RNF20: variants seen among roughly 807,000 people sequenced by gnomAD.
RNF20 encodes the protein E3 ubiquitin-protein ligase BRE1A.
Under a neutral mutation model 126.2 loss-of-function variants are expected in RNF20, and 84 were observed. The ratio of observed to expected loss-of-function variants is 0.67; its 90% confidence interval spans 0.56 to 0.80. RNF20 has a LOEUF of 0.80. Among genes scored for constraint, RNF20 ranks in the 30% least tolerant of loss-of-function variants. The pLI, the probability that RNF20 is intolerant of heterozygous loss-of-function variation, is 0.00. For missense variants in RNF20, 869 were observed against 1,188.2 expected (o/e 0.73, Z 3.95); for synonymous variants, 400 against 414.3 (o/e 0.97, Z 0.42).
In RNF20 at chr9:101,560,847, A is replaced by G. The variant is rs759488715; in HGVS notation, c.2429A>G (p.His810Arg). 9.9e-6 allele frequency: 16 copies of G among 1,613,438 alleles called. No homozygotes were observed. Among genetic ancestry groups the G allele is most frequent in the Non-Finnish European group, 1.4e-5 (16 of 1,179,580 alleles). ...QVVRKLEEKE[H>R]LLQSNIGTGE... ...GTAAGGAAACTGGAAGAGAAGGAGC[A>G]TCTGTTACAGAGCAACATTGGCACA... is the stretch of plus-strand genomic sequence containing the variant. The change falls in exon 17 of 20, where the codon CAT (histidine) becomes CGT (arginine). Residue 810 changes from histidine (H) to arginine (R), a missense_variant. Around this residue, in one of 8 missense-constraint regions of RNF20, gnomAD observed 150 missense variants for 173.7 expected, o/e 0.86. Transcript: ENST00000389120.
chr9:101,559,879 T>C (rs1413423839), intron 16 of RNF20, among the ~76,000 whole-genome samples: 1 of 152,212 alleles, frequency 6.6e-6, no homozygotes, highest in African/African-American at 2.4e-5. Context: ...ATTACCAATT[T>C]GGATGCCTTT....
chr9:101,554,611 CCTT>C, intron 14 of RNF20, 80 bp from the exon 15 acceptor site: 2 of 1,179,096 alleles, frequency 1.7e-6, no homozygotes, highest in Middle Eastern at 2.7e-4. Flanking sequence ...GTATTATGAA[CCTT>C]CTATCTTTGC....
chr9:101,546,162 A>G (rs1827344625), intron 6 of RNF20, among the ~76,000 whole-genome samples: 1 of 152,160 alleles, frequency 6.6e-6, no homozygotes, highest in South Asian at 2.1e-4. Flanking sequence ...AGGACTTTCA[A>G]AGGATTTTTG....
intron 2 of RNF20, among the ~76,000 whole-genome samples, chr9:101,535,989 C>G (rs538221471): frequency 6.6e-6 from 1 of 152,290 alleles, no homozygotes; most frequent in African/African-American, 2.4e-5. Flanking sequence ...CTTGTGTTAT[C>G]CTTCCTTTGC....
At chr9:101,557,653 TG>T in intron 16 of RNF20, 57 bp downstream of exon 16, 1 of 1,293,028 alleles carries the variant, frequency 7.7e-7, no homozygotes, top group Admixed American at 2.0e-5. Flanking sequence ...TTCTACATGA[TG>T]ATATAAGTAA....
intron 18 of RNF20, 101 bp downstream of exon 18, chr9:101,561,331 T>C: frequency 7.9e-7 from 1 of 1,261,784 alleles, no homozygotes; most frequent in Non-Finnish European, 1.1e-6. Flanking sequence ...TGTCATTTCC[T>C]ACTAGACTTG....
At chr9:101,554,624 C>T in intron 14 of RNF20, 70 bp from the exon 15 acceptor site, 2 of 1,332,108 alleles carry the variant, frequency 1.5e-6, no homozygotes, top group Non-Finnish European at 2.1e-6. Flanking sequence ...TCTATCTTTG[C>T]ACAGTATTAA....
chr9:101,554,740 A>G lies in RNF20; in HGVS notation c.2066A>G (p.Lys689Arg). ...CTCAAGGATCTGGAAGATAAAGAGA[A>G]GAAAGAGAACAAGAAAATGGCTGAT... is the stretch of plus-strand genomic sequence containing the variant. ...QRLKDLEDKE[K>R]KENKKMADED... The change falls in exon 15 of 20, where the codon AAG becomes AGG. Residue 689 changes from lysine to arginine, a missense_variant. Physicochemically the swap from Lys to Arg is conservative, Grantham distance 26 (BLOSUM62 2). Around this residue, in one of 8 missense-constraint regions of RNF20, gnomAD observed 231 missense variants for 263.6 expected, o/e 0.88. Coordinates refer to ENST00000389120, the MANE Select transcript of RNF20 (RefSeq NM_019592.7). 6.2e-7 allele frequency: 1 copy of G among 1,609,966 alleles called. No individual in the cohort carries two copies. The highest frequency in any genetic ancestry group is 1.7e-5 in the Admixed American group (1 of 59,812).
Position 101,553,935 on chromosome 9 carries a change from G to C in RNF20, c.1902-53G>C. The C allele has an allele frequency of 9.1e-6, 9 of 986,944 alleles. No individual in the cohort carries two copies. The South Asian group carries it at 1.3e-4, about 14-fold the overall frequency. The allele number at this position is 986,944 out of a possible 1,614,324, so 61.1% of individuals were successfully genotyped here. On this transcript the variant is annotated intron_variant, in intron 13 of 19. Transcript: ENST00000389120. ...TCAATCAAAATTCCCTTGCTCTGATGACCTTTATTTTCTTATTACATTGTT... is the reference window on the plus strand; with the variant it reads ...TCAATCAAAATTCCCTTGCTCTGATCACCTTTATTTTCTTATTACATTGTT...
rs1346681842 is a variant in RNF20, at chr9:101,561,981, G to A, written c.2721G>A (p.Glu907=). 1.9e-6 allele frequency: 3 copies of A among 1,610,502 alleles called. No individual in the cohort carries two copies. Among genetic ancestry groups the A allele is most frequent in the Non-Finnish European group, 1.7e-6 (2 of 1,178,908 alleles). The change falls in exon 19 of 20, where the codon GAG becomes GAA. Residue 907 remains glutamate, a synonymous_variant. Transcript: ENST00000389120. ...KKPDNVPKCD[E]ILMEEIKDYK... ...CAGACAATGTACCCAAGTGTGATGAGATTCTGATGGAAGAGATTAAGGATT... is the reference window on the plus strand; with the variant it reads ...CAGACAATGTACCCAAGTGTGATGAAATTCTGATGGAAGAGATTAAGGATT...
chr9:101,539,578 T>C (rs376552327), intron 2 of RNF20, among the ~76,000 whole-genome samples: 2 of 152,176 alleles, frequency 1.3e-5, no homozygotes, highest in African/African-American at 4.8e-5. Context: ...GGGCATGAGA[T>C]ACCTGGAAAG....
At position 101,550,648 on chromosome 9, in the gene RNF20, C is replaced by G. The variant is rs376657067; in HGVS notation, c.1135C>G (p.Pro379Ala). Residue 379 changes from proline to alanine, a missense_variant, in exon 10 of 20, where the codon CCA becomes GCA. Physicochemically the swap from Pro to Ala is conservative, Grantham distance 27. Coordinates refer to ENST00000389120, the MANE Select transcript of RNF20 (RefSeq NM_019592.7). ...SAVEQVVKETPEYRCMQSQFS... is the reference protein window; with the variant it reads ...SAVEQVVKETAEYRCMQSQFS... Reference sequence around the variant, plus strand: ...AGTGGAGCAAGTCGTTAAGGAAACTCCAGAATATCGCTGCATGCAGTCACA... The same window carrying G: ...AGTGGAGCAAGTCGTTAAGGAAACTGCAGAATATCGCTGCATGCAGTCACA... The G allele has an allele frequency of 1.2e-6, 2 of 1,614,120 alleles. No individual in the cohort carries two copies. Among genetic ancestry groups the G allele is most frequent in the African/African-American group, 2.7e-5 (2 of 75,022 alleles).
chr9:101,561,221 A>G lies in RNF20; in HGVS notation c.2640A>G (p.Lys880=). 6.2e-7 allele frequency: 1 copy of G among 1,613,678 alleles called. No individual in the cohort carries two copies. Among genetic ancestry groups the G allele is most frequent in the Non-Finnish European group, 8.5e-7 (1 of 1,179,688 alleles). Residue 880 remains lysine, a synonymous_variant, in exon 18 of 20, where the codon AAA becomes AAG. Coordinates refer to ENST00000389120, the MANE Select transcript of RNF20 (RefSeq NM_019592.7). ...AAGAAAAGGACATGTTCAATTTCAA[A>G]CGAGCCCAGGTAAAAGCAGTTGTCT... ...VTKEKDMFNF[K]RAQEDISRLR...
chr9:101,543,306 A>C (rs552205317), intron 5 of RNF20, among the ~76,000 whole-genome samples: 1 of 151,496 alleles, frequency 6.6e-6, no homozygotes, highest in African/African-American at 2.4e-5. Context: ...CCAGGGCGGC[A>C]CTGTCTAACC....
At chr9:101,560,093 A>G (rs1184401254) in intron 16 of RNF20, among the ~76,000 whole-genome samples, 2 of 152,136 alleles carry the variant, frequency 1.3e-5, no homozygotes, top group Admixed American at 6.5e-5. Context: ...TGATTTTGCT[A>G]GAGTTTTAAT....
At position 101,554,846 on chromosome 9, in the gene RNF20, G is replaced by A. The variant is rs1346742448; in HGVS notation, c.2169+3G>A. 4 of 1,407,722 alleles carry A rather than the reference G, an allele frequency of 2.8e-6. No individual in the cohort carries two copies. Among genetic ancestry groups the A allele is most frequent in the Non-Finnish European group, 3.7e-6 (4 of 1,069,052 alleles). The allele number at this position is 1,407,722 out of a possible 1,614,324, so 87.2% of individuals were successfully genotyped here. A position where few individuals can be genotyped will look rare whatever the true frequency, so the allele number is the denominator to read the frequency against. On this transcript the variant is annotated splice_donor_region_variant and intron_variant, in intron 15 of 19. Transcript: ENST00000389120. ...AGAAGCTAGCCATGGCCAAGCAGGT[G>A]GACTCACTTTCTTTATTTAATTGAC...
chr9:101,540,028 A>G, intron 2 of RNF20, 175 bp from the exon 3 acceptor site: 2 of 629,502 alleles, frequency 3.2e-6, no homozygotes, highest in Middle Eastern at 4.3e-4. Context: ...TCACACCATC[A>G]TATACCTGTT....
intron 1 of RNF20, 140 bp from the exon 2 acceptor site, chr9:101,535,258 A>C: frequency 1.9e-6 from 1 of 525,076 alleles, no homozygotes; most frequent in Non-Finnish European, 3.1e-6. Context: ...CCTCAAAGAG[A>C]AATATGGAGA....
chr9:101,556,512 A>T (rs1339186942), intron 15 of RNF20, among the ~76,000 whole-genome samples: 1 of 152,170 alleles, frequency 6.6e-6, no homozygotes, highest in African/African-American at 2.4e-5. Flanking sequence ...TTAGATACAT[A>T]CTTGAATACA....
Sources: allele counts gnomAD v4.1 joint callset (sites outside exome capture counted in the v4.1 genomes callset), GRCh38; gene constraint gnomAD v4.1.1; regional missense constraint gnomAD v4.1.1; transcripts MANE v1.5; gene names NCBI Gene and HGNC (gene_info 2026-07-23, HGNC 2026-07-21).